Variants in RALGAPA2 observed in about 807,000 individuals in gnomAD.
RALGAPA2 encodes the protein Ral GTPase activating protein catalytic subunit alpha 2.
Under a neutral mutation model 230.4 loss-of-function variants are expected in RALGAPA2, and 139 were observed. The ratio of observed to expected loss-of-function variants is 0.60; its 90% CI spans 0.53 to 0.69. The LOEUF is 0.69. Ranked by LOEUF, RALGAPA2 falls within the 30% of genes least tolerant of loss-of-function variation. The pLI, the probability that RALGAPA2 is intolerant of heterozygous loss-of-function variation, is 0.00. For missense variants in RALGAPA2, 2,163 were observed against 2,276.0 expected (o/e 0.95, Z 1.01); for synonymous variants, 847 against 837.8 (o/e 1.01, Z -0.19).
intron 37 of RALGAPA2, among the ~76,000 whole-genome samples, chr20:20,442,995 T>C (rs1447602303): frequency 6.6e-6 from 1 of 152,204 alleles, no homozygotes; most frequent in Non-Finnish European, 1.5e-5. Context: ...TTGAACTTTT[T>C]AAAGCTCTAT....
At chr20:20,680,905 CCTTAT>C in intron 1 of RALGAPA2, 104 bp from the exon 2 acceptor site, 1 of 1,468,790 alleles carries the variant, frequency 6.8e-7, no homozygotes, top group Non-Finnish European at 9.0e-7. Context: ...AGTTTCATTC[CCTTAT>C]AAGACAATAC....
intron 36 of RALGAPA2, among the ~76,000 whole-genome samples, chr20:20,494,551 T>C (rs187406071): frequency 2.6e-5 from 4 of 152,348 alleles, no homozygotes; most frequent in African/African-American, 7.2e-5. Context: ...TCAATACCAA[T>C]TGACATGGCT....
At chr20:20,689,585 T>C (rs2068828118) in intron 1 of RALGAPA2, among the ~76,000 whole-genome samples, 1 of 152,194 alleles carries the variant, frequency 6.6e-6, no homozygotes, top group Non-Finnish European at 1.5e-5. Context: ...GAGGTTGCAG[T>C]GAGCCGAGAT....
intron 27 of RALGAPA2, among the ~76,000 whole-genome samples, chr20:20,528,048 G>A (rs1024538513): frequency 6.6e-6 from 1 of 152,114 alleles, no homozygotes. Flanking sequence ...AGGGAGAGGA[G>A]AGCTAAGCTG....
chr20:20,441,129 G>A (rs916706181), intron 37 of RALGAPA2, among the ~76,000 whole-genome samples: 1 of 152,114 alleles, frequency 6.6e-6, no homozygotes, highest in African/African-American at 2.4e-5. Flanking sequence ...AACAAAAGCC[G>A]AATTTAATGG....
intron 37 of RALGAPA2, among the ~76,000 whole-genome samples, chr20:20,416,178 G>C (rs536962915): frequency 6.6e-6 from 1 of 152,262 alleles, no homozygotes; most frequent in Admixed American, 6.5e-5. Context: ...CATCTACCTG[G>C]GTTCCAGCAC....
At position 20,536,745 on chromosome 20, in the gene RALGAPA2, C is replaced by T. The variant is rs779911220; in HGVS notation, c.3325G>A (p.Val1109Ile). The change falls in exon 25 of 40, where the codon GTC becomes ATC. Residue 1109 changes from valine to isoleucine, a missense_variant. By Grantham distance (29) the Val-to-Ile change is conservative. Transcript: ENST00000202677. ...SEAVTVLGSL[V>I]CFPNTYQEIP... ...TCCTGGTAGGTATTTGGAAAGCAGACCAGAGAGCCGAGGACAGTGACAGCC... is the reference window on the plus strand; with the variant it reads ...TCCTGGTAGGTATTTGGAAAGCAGATCAGAGAGCCGAGGACAGTGACAGCC... The T allele has an allele frequency of 1.1e-5, 18 of 1,612,838 alleles. No individual in the cohort carries two copies. In the East Asian group the frequency reaches 4.0e-4, roughly 36 times the overall value.
At chr20:20,557,371 T>C (rs767605332) in intron 23 of RALGAPA2, among the ~76,000 whole-genome samples, 6 of 151,998 alleles carry the variant, frequency 3.9e-5, no homozygotes, top group Non-Finnish European at 7.4e-5. Context: ...AATATTAAGG[T>C]AAGAATTGCC....
chr20:20,401,685 C>CA (rs953174407), intron 38 of RALGAPA2, among the ~76,000 whole-genome samples: 5 of 152,130 alleles, frequency 3.3e-5, no homozygotes, highest in Non-Finnish European at 7.3e-5. Context: ...TGTGGGAGGA[C>CA]AGTGAGTTCT....
intron 12 of RALGAPA2, among the ~76,000 whole-genome samples, chr20:20,617,862 C>A (rs991403525): frequency 6.6e-6 from 1 of 152,080 alleles, no homozygotes. Context: ...GATATAAGAA[C>A]AAAACCAACT....
intron 31 of RALGAPA2, among the ~76,000 whole-genome samples, chr20:20,519,582 G>A (rs2062976511): frequency 6.6e-6 from 1 of 152,154 alleles, no homozygotes; most frequent in South Asian, 2.1e-4. Context: ...ACACCTAGTT[G>A]GGAAATATAA....
chr20:20,549,725 A>G (rs1278330066), intron 23 of RALGAPA2, among the ~76,000 whole-genome samples: 1 of 152,236 alleles, frequency 6.6e-6, no homozygotes, highest in East Asian at 1.9e-4. Context: ...GGACATCCAC[A>G]AAATGCCCCA....
intron 37 of RALGAPA2, among the ~76,000 whole-genome samples, chr20:20,439,565 G>A (rs1163291774): frequency 1.3e-5 from 2 of 152,116 alleles, no homozygotes; most frequent in Non-Finnish European, 2.9e-5. Context: ...TACCCAACAG[G>A]AAACATTTTT....
At chr20:20,589,635 G>A (rs2065229607) in intron 17 of RALGAPA2, among the ~76,000 whole-genome samples, 1 of 152,000 alleles carries the variant, frequency 6.6e-6, no homozygotes, top group South Asian at 2.1e-4. Flanking sequence ...GTTCGCACAG[G>A]GGAGGGCAAC....
At chr20:20,531,829 C>T (rs1354834604) in intron 26 of RALGAPA2, 34 bp from the exon 27 acceptor site, 1 of 1,455,682 alleles carries the variant, frequency 6.9e-7, no homozygotes, top group South Asian at 1.2e-5. Flanking sequence ...GGAAAACTCT[C>T]ATGAAACTTA....
intron 16 of RALGAPA2, among the ~76,000 whole-genome samples, chr20:20,601,437 C>T (rs560505906): frequency 6.6e-6 from 1 of 152,330 alleles, no homozygotes; most frequent in African/African-American, 2.4e-5. Context: ...CTCTATTTCG[C>T]ACAAATATCT....
At chr20:20,521,200 T>A in intron 30 of RALGAPA2, 100 bp from the exon 31 acceptor site, 1 of 992,846 alleles carries the variant, frequency 1.0e-6, no homozygotes, top group African/African-American at 1.6e-5. Context: ...GGACTCCTGC[T>A]TGGTCCTAGC....
chr20:20,418,166 G>A (rs1240029418), intron 37 of RALGAPA2, among the ~76,000 whole-genome samples: 1 of 152,170 alleles, frequency 6.6e-6, no homozygotes, highest in Non-Finnish European at 1.5e-5. Context: ...TAAGAAGAAC[G>A]CCGAGCAAAT....
At chr20:20,686,816 T>C (rs892099825) in intron 1 of RALGAPA2, among the ~76,000 whole-genome samples, 1 of 152,178 alleles carries the variant, frequency 6.6e-6, no homozygotes, top group Non-Finnish European at 1.5e-5. Context: ...GGAAGGGTCA[T>C]AACACAGTCT....
Sources: gnomAD v4.1 joint callset for allele counts (sites outside exome capture counted in the v4.1 genomes callset) on GRCh38, gnomAD v4.1.1 for gene constraint, MANE v1.5 for transcripts, NCBI Gene and HGNC (gene_info 2026-07-23, HGNC 2026-07-21) for gene names.